TCF7L2: variants seen among roughly 807,000 people sequenced by gnomAD.
TCF7L2 encodes transcription factor 7 like 2.
TCF7L2 carries 23 observed loss-of-function variants against 77.9 expected under a neutral mutation model. The observed-to-expected ratio is 0.30, with a 90% CI of 0.21 to 0.42. The LOEUF (loss-of-function observed/expected upper bound fraction) is 0.42. Among genes scored for constraint, TCF7L2 ranks in the 10% least tolerant of loss-of-function variants. The pLI is 1.00. For synonymous variants in TCF7L2, 413 were observed against 340.2 expected, an observed-to-expected ratio of 1.21 and a Z score of -2.36; for missense variants, 654 against 793.1, an observed-to-expected ratio of 0.82 and a Z score of 2.11.
chr10:112,998,514 A>T (rs960646927), intron 4 of TCF7L2, among the ~76,000 whole-genome samples: 2 of 152,234 alleles, frequency 1.3e-5, no homozygotes, highest in Non-Finnish European at 2.9e-5. Context: ...TGACAAATTC[A>T]TGGGCTTTCT....
At chr10:113,071,252 G>A (rs1396703594) in intron 5 of TCF7L2, among the ~76,000 whole-genome samples, 4 of 152,120 alleles carry the variant, frequency 2.6e-5, no homozygotes, top group African/African-American at 9.7e-5. Flanking sequence ...TCTATTTAGT[G>A]GTAGAATGTT....
chr10:113,118,520 G>GGT (rs34806588), intron 5 of TCF7L2, among the ~76,000 whole-genome samples: 185 of 141,508 alleles, frequency 1.3e-3, no homozygotes, highest in South Asian at 7.6e-3. Context: ...TCATCTGGGG[G>GGT]GTGTGTGTGT....
At chr10:113,137,174 A>T (rs1457558903) in intron 5 of TCF7L2, among the ~76,000 whole-genome samples, 1 of 152,190 alleles carries the variant, frequency 6.6e-6, no homozygotes, top group Non-Finnish European at 1.5e-5. Flanking sequence ...GAGTGCCACT[A>T]ATCATCTAGA....
At chr10:113,029,169 TG>T (rs1312819570) in intron 4 of TCF7L2, among the ~76,000 whole-genome samples, 3 of 152,222 alleles carry the variant, frequency 2.0e-5, no homozygotes, top group Non-Finnish European at 4.4e-5. Context: ...TACTAGAGAA[TG>T]GACTCTAAGA....
chr10:113,053,518 T>C (rs1591054843), intron 5 of TCF7L2, among the ~76,000 whole-genome samples: 1 of 152,202 alleles, frequency 6.6e-6, no homozygotes, highest in Non-Finnish European at 1.5e-5. Context: ...CCTCAGTTAC[T>C]ACAAAGTCTG....
At chr10:113,088,534 A>T (rs566105878) in intron 5 of TCF7L2, among the ~76,000 whole-genome samples, 1 of 152,176 alleles carries the variant, frequency 6.6e-6, no homozygotes, top group South Asian at 2.1e-4. Context: ...TTGAAATTCA[A>T]ATTAACGCAT....
intron 5 of TCF7L2, among the ~76,000 whole-genome samples, chr10:113,100,255 C>G (rs572298208): frequency 6.6e-6 from 1 of 152,334 alleles, no homozygotes; most frequent in South Asian, 2.1e-4. Flanking sequence ...AGCCAGGAAA[C>G]AAGTTGCTTT....
At position 112,954,104 on chromosome 10, in the gene TCF7L2, T is replaced by G. The variant is rs371811342; in HGVS notation, c.381+2497T>G. ...AGGCCAGCTTGCAATCCAGATTTGATACAGCTGCGGGAGGAATGGAGGAAT... is the reference window on the plus strand; with the variant it reads ...AGGCCAGCTTGCAATCCAGATTTGAGACAGCTGCGGGAGGAATGGAGGAAT... On this transcript the variant is annotated intron_variant, in intron 3 of 13. Coordinates refer to ENST00000627217, the MANE Select transcript of TCF7L2 (RefSeq NM_001146274.2). Among the ~76,000 whole-genome samples the G allele has an allele frequency of 3.5e-4, 54 of 152,344 alleles. 1 individual carries two copies. The South Asian group carries it at 9.9e-3, about 28-fold the overall frequency.
At chr10:113,098,049 CAAAAAAA>C (rs34632183) in intron 5 of TCF7L2, among the ~76,000 whole-genome samples, 2 of 59,368 alleles carry the variant, frequency 3.4e-5, no homozygotes, top group African/African-American at 6.9e-5. Context: ...GACTCTGTCT[CAAAAAAA>C]AAAAAAAAAA....
rs533667730 is a variant in TCF7L2 at position 113,084,755 on chromosome 10, G to A, written c.552+44629G>A. 1.7e-3 allele frequency among the ~76,000 whole-genome samples: 264 copies of A among 152,014 alleles called. 2 individuals carry two copies. The highest frequency in any genetic ancestry group is 5.9e-3 in the African/African-American group (244 of 41,474). On this transcript the variant is annotated intron_variant, in intron 5 of 13. Transcript: ENST00000627217. ...ACCAAAAAAAATACAAACATTAGCC[G>A]GGAGTGGTGTTGTGCACCTGTATTC...
intron 5 of TCF7L2, among the ~76,000 whole-genome samples, chr10:113,129,012 G>C (rs73360287): frequency 6.6e-6 from 1 of 151,988 alleles, no homozygotes; most frequent in Non-Finnish European, 1.5e-5. Flanking sequence ...TCAAAAAAGC[G>C]AGTTAGCATT....
intron 5 of TCF7L2, among the ~76,000 whole-genome samples, chr10:113,120,015 C>T (rs2064513514): frequency 6.6e-6 from 1 of 152,194 alleles, no homozygotes; most frequent in Admixed American, 6.5e-5. Context: ...ATTTGAAATG[C>T]TAACACAATG....
chr10:113,134,725 A>C (rs2067147151), intron 5 of TCF7L2, among the ~76,000 whole-genome samples: 1 of 152,160 alleles, frequency 6.6e-6, no homozygotes, highest in Non-Finnish European at 1.5e-5. Flanking sequence ...TGGACTATAA[A>C]CCAATTTTTA....
At chr10:113,141,060 T>G (rs1173658318) in intron 5 of TCF7L2, 124 bp from the exon 6 acceptor site, 30 of 1,201,112 alleles carry the variant, frequency 2.5e-5, no homozygotes, top group Non-Finnish European at 3.4e-5. Context: ...TGGGCAGAGT[T>G]GAGTGCATCT....
chr10:113,103,292 C>T (rs1460502466), intron 5 of TCF7L2, among the ~76,000 whole-genome samples: 2 of 152,190 alleles, frequency 1.3e-5, no homozygotes, highest in Admixed American at 6.5e-5. Context: ...GGCTTCTGAT[C>T]CTTGCAGAGA....
intron 4 of TCF7L2, among the ~76,000 whole-genome samples, chr10:112,968,411 T>C (rs1211846085): frequency 1.3e-5 from 2 of 152,194 alleles, no homozygotes; most frequent in Non-Finnish European, 2.9e-5. Context: ...ATGTTTTCTT[T>C]ATGATTTTCC....
At chr10:113,105,302 C>T (rs1233278074) in intron 5 of TCF7L2, among the ~76,000 whole-genome samples, 2 of 152,112 alleles carry the variant, frequency 1.3e-5, no homozygotes, top group Admixed American at 6.5e-5. Flanking sequence ...GAGTCGAAGT[C>T]GGCTCCCATT....
At position 112,950,567 on chromosome 10, in the gene TCF7L2, TC is replaced by T; in HGVS notation, c.-186del. The T allele has an allele frequency of 2.8e-6, 1 of 361,862 alleles. No homozygotes were observed. 22.4% of individuals were successfully genotyped at this position (361,862 alleles called of 1,614,324 possible). A position where few individuals can be genotyped will look rare whatever the true frequency, so the allele number is the denominator to read the frequency against. ...CGCGTGCAGAAGATCTCCCCCCCCT[TC>T]CCCTCCCCTCCTCCCTCTTTTCCCC... On this transcript the variant is annotated 5_prime_UTR_variant, in exon 1 of 14. Transcript: ENST00000627217.
intron 4 of TCF7L2, among the ~76,000 whole-genome samples, chr10:113,009,867 C>T (rs1361247720): frequency 6.6e-6 from 1 of 152,182 alleles, no homozygotes; most frequent in Admixed American, 6.5e-5. Context: ...TTTCTCCAGG[C>T]CTGTTCGGCA....
Sources: allele counts gnomAD v4.1 joint callset (sites outside exome capture counted in the v4.1 genomes callset), GRCh38; gene constraint gnomAD v4.1.1; transcripts MANE v1.5; gene names NCBI Gene and HGNC (gene_info 2026-07-23, HGNC 2026-07-21).